The following IHO1 variants were observed in gnomAD, a reference collection of about 807,000 sequenced individuals.
IHO1 encodes interactor of HORMAD1 protein 1.
IHO1 carries 13 observed loss-of-function variants against 31.0 expected under a neutral mutation model. That is an observed-to-expected ratio of 0.42 (90% CI 0.27 to 0.67). IHO1 has a LOEUF of 0.67. Ranked by LOEUF, IHO1 falls within the 30% of genes least tolerant of loss-of-function variation. The pLI is 0.24. For missense variants in IHO1, 599 were observed against 687.5 expected (o/e 0.87, Z 1.44); for synonymous variants, 221 against 248.4 (o/e 0.89, Z 1.04).
chr3:49,236,839 G>T, intron 3 of IHO1, 117 bp downstream of exon 3: 2 of 979,314 alleles, frequency 2.0e-6, no homozygotes, highest in Non-Finnish European at 1.5e-6. Flanking sequence ...CCCTGCACTT[G>T]GGGAGGCTGA....
At chr3:49,191,716 G>A in the IHO1 span, 7 of 1,594,642 alleles carry the variant, frequency 4.4e-6, no homozygotes, top group African/African-American at 2.7e-5. Context: ...AGGGCCAGGG[G>A]CCAGGATTAA....
intron 2 of IHO1, among the ~76,000 whole-genome samples, chr3:49,234,206 C>G (rs1476392648): frequency 1.5e-5 from 2 of 129,772 alleles, no homozygotes; most frequent in African/African-American, 2.9e-5. Flanking sequence ...CGGAGTCACT[C>G]TCTCACCAGG....
At chr3:49,209,648 G>C (rs911980678) in intron 1 of IHO1, among the ~76,000 whole-genome samples, 1 of 151,544 alleles carries the variant, frequency 6.6e-6, no homozygotes, top group Non-Finnish European at 1.5e-5. Flanking sequence ...AAAAAAAAAG[G>C]CTTGTATTTC....
At chr3:49,235,580 T>C (rs1381321699) in intron 2 of IHO1, among the ~76,000 whole-genome samples, 1 of 152,062 alleles carries the variant, frequency 6.6e-6, no homozygotes, top group Non-Finnish European at 1.5e-5. Context: ...AGCTAATGCA[T>C]GTACCTTATT....
At chr3:49,230,849 G>A (rs950584723) in intron 2 of IHO1, among the ~76,000 whole-genome samples, 2 of 152,080 alleles carry the variant, frequency 1.3e-5, no homozygotes, top group African/African-American at 4.8e-5. Context: ...ACCTGTTCTA[G>A]GCATTCCTAC....
intron 3 of IHO1, among the ~76,000 whole-genome samples, chr3:49,238,495 T>G (rs2046587523): frequency 6.6e-6 from 1 of 152,074 alleles, no homozygotes; most frequent in Non-Finnish European, 1.5e-5. Flanking sequence ...TTATACACAT[T>G]TCTGAAAGGG....
At chr3:49,216,111 A>T (rs1250112756) in intron 2 of IHO1, among the ~76,000 whole-genome samples, 1 of 152,194 alleles carries the variant, frequency 6.6e-6, no homozygotes, top group Non-Finnish European at 1.5e-5. Context: ...TTTGAATTTA[A>T]CATTTGATAA....
intron 1 of IHO1, among the ~76,000 whole-genome samples, chr3:49,204,813 A>G (rs1194902622): frequency 5.3e-5 from 8 of 152,028 alleles, no homozygotes; most frequent in African/African-American, 1.9e-4. Flanking sequence ...TCACAAGGTC[A>G]GGAGTTGAAG....
intron 6 of IHO1, among the ~76,000 whole-genome samples, chr3:49,246,154 C>A (rs2046691308): frequency 6.8e-6 from 1 of 147,978 alleles, no homozygotes; most frequent in Non-Finnish European, 1.5e-5. Flanking sequence ...TGCACTCCAG[C>A]CTGGACGACA....
At chr3:49,254,253 A>T (rs2046797368) in intron 6 of IHO1, among the ~76,000 whole-genome samples, 1 of 152,194 alleles carries the variant, frequency 6.6e-6, no homozygotes, top group Admixed American at 6.5e-5. Flanking sequence ...TAGCAAGAGG[A>T]TGGCAATAAA....
chr3:49,219,965 C>T (rs1290040739), intron 2 of IHO1, among the ~76,000 whole-genome samples: 4 of 152,190 alleles, frequency 2.6e-5, no homozygotes, highest in Non-Finnish European at 5.9e-5. Flanking sequence ...TACCCTTCTG[C>T]ACCCCCTCCT....
chr3:49,205,881 T>C (rs2046130565), intron 1 of IHO1, among the ~76,000 whole-genome samples: 1 of 151,968 alleles, frequency 6.6e-6, no homozygotes, highest in Non-Finnish European at 1.5e-5. Flanking sequence ...GCAATTCTCT[T>C]GCCTCAGCCT....
At chr3:49,209,845 G>C (rs1373171489) in intron 1 of IHO1, among the ~76,000 whole-genome samples, 1 of 151,066 alleles carries the variant, frequency 6.6e-6, no homozygotes, top group Non-Finnish European at 1.5e-5. Context: ...CTCCCAAGTA[G>C]CTGGGACTAC....
chr3:49,234,162 G>GTTTTTTTTTTTTTTTTTTTT (rs56802492), intron 2 of IHO1, among the ~76,000 whole-genome samples: 1 of 91,914 alleles, frequency 1.1e-5, no homozygotes, highest in Admixed American at 1.7e-4. Context: ...TTTTGTTGTT[G>GTTTTTTTTTTTTTTTTTTTT]TTTTTTTTTT....
At chr3:49,253,828 C>CTTTTTTTTTT (rs139087366) in intron 6 of IHO1, among the ~76,000 whole-genome samples, 213 of 72,250 alleles carry the variant, frequency 2.9e-3, no homozygotes, top group Non-Finnish European at 3.7e-3. Context: ...CTTTATTTGT[C>CTTTTTTTTTT]TTTTTTTTTT....
intron 3 of IHO1, among the ~76,000 whole-genome samples, chr3:49,239,159 AC>A (rs2046595840): frequency 6.7e-6 from 1 of 150,368 alleles, no homozygotes; most frequent in Non-Finnish European, 1.5e-5. Flanking sequence ...TTTAGTAGAG[AC>A]AGGGTTTCAC....
At chr3:49,240,074 C>T (rs1426636396) in intron 3 of IHO1, among the ~76,000 whole-genome samples, 1 of 151,924 alleles carries the variant, frequency 6.6e-6, no homozygotes, top group African/African-American at 2.4e-5. Context: ...GAGACAGAGT[C>T]GCACTCTGTC....
intron 2 of IHO1, among the ~76,000 whole-genome samples, chr3:49,213,598 G>C (rs2046249381): frequency 6.6e-6 from 1 of 152,226 alleles, no homozygotes; most frequent in Non-Finnish European, 1.5e-5. Flanking sequence ...GGCAGTGCTA[G>C]TCAGGGAGGC....
At chr3:49,242,770 A>G (rs559288473) in intron 4 of IHO1, among the ~76,000 whole-genome samples, 1 of 152,200 alleles carries the variant, frequency 6.6e-6, no homozygotes, top group African/African-American at 2.4e-5. Flanking sequence ...GCACCATTGC[A>G]CTACAGCCTG....
Sources: allele counts gnomAD v4.1 joint callset (sites outside exome capture counted in the v4.1 genomes callset), GRCh38; gene constraint gnomAD v4.1.1; transcripts MANE v1.5; gene names NCBI Gene and HGNC (gene_info 2026-07-23, HGNC 2026-07-21).